The following TRAPPC11 variants were observed in gnomAD, a reference collection of about 807,000 sequenced individuals.
TRAPPC11 encodes foie gras homolog.
In TRAPPC11, 104 loss-of-function variants were observed where a neutral mutation model predicts 151.2. The ratio of observed to expected loss-of-function variants is 0.69; its 90% CI spans 0.59 to 0.81. TRAPPC11 has a LOEUF of 0.81. TRAPPC11 is among the 30% of genes least tolerant of loss of function. The probability of loss-of-function intolerance (pLI) is 0.00; values close to 1 mark genes in which losing one functional copy is unlikely to be tolerated. For missense variants in TRAPPC11, 1,230 were observed against 1,349.6 expected (o/e 0.91, Z 1.39); for synonymous variants, 456 against 472.3 (o/e 0.97, Z 0.45).
chr4:183,693,663 G>A lies in TRAPPC11; in HGVS notation c.2312G>A (p.Cys771Tyr), dbSNP rs1441521643. The change falls in exon 21 of 30, where the codon TGT (cysteine) becomes TAT (tyrosine). Residue 771 changes from cysteine (C) to tyrosine (Y), a missense_variant. Coordinates refer to ENST00000334690, the MANE Select transcript of TRAPPC11 (RefSeq NM_021942.6). ...CCTGCACTGACTAATGAAATGTATT[G>A]TTTGGTTGTGACTGTTCAGTCCCAT... The part of the protein sequence containing the change: ...EPPALTNEMY[C>Y]LVVTVQSHEK... The A allele has an allele frequency of 1.5e-5, 25 of 1,613,972 alleles. No individual in the cohort carries two copies. The highest frequency in any genetic ancestry group is 1.7e-5 in the Non-Finnish European group (20 of 1,180,040).
At chr4:183,703,565 G>A (rs1243959691) in intron 26 of TRAPPC11, among the ~76,000 whole-genome samples, 1 of 152,236 alleles carries the variant, frequency 6.6e-6, no homozygotes, top group East Asian at 1.9e-4. Context: ...GTACACAAAG[G>A]GTGTGTGTAT....
rs1027270333 is a variant in TRAPPC11, at chr4:183,691,317, A to G, written c.1895A>G (p.Glu632Gly). ...SKLCVSFNNQ[E>G]YNQFCVIEEA... ...ATGACCCCTGTTCACCTTTTTCAGG[A>G]ATACAACCAGTTCTGTGTAATAGAA... The change falls in exon 19 of 30, where the codon GAA becomes GGA. Residue 632 changes from glutamate (E) to glycine (G), a missense_variant and splice_region_variant. Glu to Gly is a moderately conservative substitution (Grantham distance 98, BLOSUM62 -2). Transcript: ENST00000334690. 23 of 1,492,786 alleles carry G rather than the reference A, an allele frequency of 1.5e-5. No homozygotes were observed. The highest frequency in any genetic ancestry group is 2.0e-5 in the Non-Finnish European group (22 of 1,109,220). 92.5% of individuals were successfully genotyped at this position (1,492,786 alleles called of 1,614,324 possible).
At chr4:183,686,941 G>A (rs1360181492) in intron 18 of TRAPPC11, among the ~76,000 whole-genome samples, 193 bp downstream of exon 18, 1 of 152,124 alleles carries the variant, frequency 6.6e-6, no homozygotes. Flanking sequence ...AGCACTTTGG[G>A]AGGCCGAGGC....
At chr4:183,671,609 T>C (rs1735161496) in intron 5 of TRAPPC11, among the ~76,000 whole-genome samples, 1 of 152,234 alleles carries the variant, frequency 6.6e-6, no homozygotes, top group African/African-American at 2.4e-5. Context: ...TCTTAGGTAC[T>C]TTACAAAATT....
intron 20 of TRAPPC11, 89 bp downstream of exon 20, chr4:183,693,236 G>A (rs1736349030): frequency 7.9e-7 from 1 of 1,272,648 alleles, no homozygotes; most frequent in Non-Finnish European, 1.1e-6. Flanking sequence ...CTCTTGTCCA[G>A]GCTGGAGTGC....
chr4:183,712,667 G>C lies in TRAPPC11; in HGVS notation c.*23G>C, dbSNP rs1737392196. The stretch of plus-strand genomic sequence containing the variant: ...TGATGTTCAAGACCGGCCCTTGGCT[G>C]TTGTTACAGAGATGTTGGGCAGAGC... On this transcript the variant is annotated 3_prime_UTR_variant, in exon 30 of 30. Transcript: ENST00000334690. The C allele has an allele frequency of 6.2e-7, 1 of 1,613,216 alleles. No homozygotes were observed. Among genetic ancestry groups the C allele is most frequent in the Non-Finnish European group, 8.5e-7 (1 of 1,179,234 alleles).
chr4:183,694,809 A>G (rs1288401519), intron 23 of TRAPPC11, 86 bp downstream of exon 23: 1 of 1,145,324 alleles, frequency 8.7e-7, no homozygotes. Context: ...AAATAAGCAT[A>G]AAATAAGCAG....
rs190042840 is a variant in TRAPPC11, at chr4:183,675,909, A to G, written c.734+672A>G. Among the ~76,000 whole-genome samples, 332 of 152,354 alleles carry G rather than the reference A, an allele frequency of 2.2e-3. 3 individuals are homozygous for G. The highest frequency in any genetic ancestry group is 0.021 in the Admixed American group (314 of 15,302). On this transcript the variant is annotated intron_variant, in intron 7 of 29. Transcript: ENST00000334690. ...CTTTGCTTTTACGAAGCAGAATTCA[A>G]TGAAACTTGACCTCTTTGTAGCTTT...
At chr4:183,699,642 C>T (rs1251283555) in intron 25 of TRAPPC11, among the ~76,000 whole-genome samples, 2 of 152,148 alleles carry the variant, frequency 1.3e-5, no homozygotes, top group African/African-American at 4.8e-5. Flanking sequence ...TAAAGTTCTA[C>T]AGGTTAGAAG....
chr4:183,682,179 A>T (rs796138925), intron 10 of TRAPPC11, among the ~76,000 whole-genome samples: 18 of 152,354 alleles, frequency 1.2e-4, no homozygotes, highest in African/African-American at 3.6e-4. Context: ...TAGTAGGTTT[A>T]TAAGTAATTT....
rs1554011266 is a variant in TRAPPC11, at chr4:183,701,787, A to G, written c.2942A>G (p.His981Arg). 6.2e-7 allele frequency: 1 copy of G among 1,612,820 alleles called. No individual in the cohort carries two copies. The highest frequency in any genetic ancestry group is 1.3e-5 in the African/African-American group (1 of 75,036). Residue 981 changes from histidine (H) to arginine (R), a missense_variant, in exon 26 of 30, where the codon CAT (histidine) becomes CGT (arginine). By Grantham distance (29) the His-to-Arg change is conservative (BLOSUM62 0). Transcript: ENST00000334690. The stretch of plus-strand genomic sequence containing the variant: ...ATTGAAGGTGGAGTAGCAACCGGGC[A>G]TTATATTATCTCTTGGAAAAGGTAA... ...GNIEGGVATG[H>R]YIISWKRTSA...
chr4:183,665,583 C>G (rs1734838651), intron 2 of TRAPPC11, among the ~76,000 whole-genome samples: 1 of 152,204 alleles, frequency 6.6e-6, no homozygotes, highest in Admixed American at 6.5e-5. Context: ...TGGAGGTAGA[C>G]ATTGGATCAC....
chr4:183,686,675 T>C lies in TRAPPC11; in HGVS notation c.1820T>C (p.Phe607Ser). ...PSFHVDVPVQ[F>S]DIYLKADCPH... ...TTTCATGTTGATGTTCCTGTTCAGTTTGATATTTATCTGAAGGCTGATTGT... is the reference window on the plus strand; with the variant it reads ...TTTCATGTTGATGTTCCTGTTCAGTCTGATATTTATCTGAAGGCTGATTGT... The change falls in exon 18 of 30, where the codon TTT becomes TCT. Residue 607 changes from phenylalanine (F) to serine (S), a missense_variant. Phe to Ser is a radical substitution (Grantham distance 155). Transcript: ENST00000334690. The C allele has an allele frequency of 6.2e-7, 1 of 1,614,168 alleles. No homozygotes were observed. The highest frequency in any genetic ancestry group is 8.5e-7 in the Non-Finnish European group (1 of 1,180,012).
chr4:183,678,032 G>A (rs1318863627), intron 8 of TRAPPC11, among the ~76,000 whole-genome samples: 1 of 151,198 alleles, frequency 6.6e-6, no homozygotes, highest in East Asian at 1.9e-4. Flanking sequence ...TCTGCCTCCT[G>A]GGTTCAAGCA....
At chr4:183,671,975 A>G (rs1291586437) in intron 5 of TRAPPC11, among the ~76,000 whole-genome samples, 1 of 152,196 alleles carries the variant, frequency 6.6e-6, no homozygotes, top group African/African-American at 2.4e-5. Flanking sequence ...AATACAGATA[A>G]TTGTGTGCGT....
At chr4:183,676,256 T>A (rs902568660) in intron 7 of TRAPPC11, among the ~76,000 whole-genome samples, 2 of 152,060 alleles carry the variant, frequency 1.3e-5, no homozygotes, top group African/African-American at 4.8e-5. Context: ...TTCAAGTGAT[T>A]CTCCTGTCTC....
intron 20 of TRAPPC11, 69 bp downstream of exon 20, chr4:183,693,216 C>T (rs1736347666): frequency 4.3e-6 from 6 of 1,408,070 alleles, no homozygotes; most frequent in Non-Finnish European, 5.7e-6. Flanking sequence ...TTTTTGGAGA[C>T]AGAGTCTCTC....
intron 18 of TRAPPC11, among the ~76,000 whole-genome samples, chr4:183,691,074 G>A (rs1001355355): frequency 3.9e-5 from 6 of 152,186 alleles, no homozygotes; most frequent in African/African-American, 1.2e-4. Flanking sequence ...AGAACAAACT[G>A]TTTCTCTGGG....
At chr4:183,689,241 T>C (rs1736132690) in intron 18 of TRAPPC11, among the ~76,000 whole-genome samples, 1 of 152,124 alleles carries the variant, frequency 6.6e-6, no homozygotes, top group Admixed American at 6.6e-5. Flanking sequence ...CATTTAAAAA[T>C]AGATAAATCT....
Sources: allele counts gnomAD v4.1 joint callset (sites outside exome capture counted in the v4.1 genomes callset), GRCh38; gene constraint gnomAD v4.1.1; transcripts MANE v1.5; gene names NCBI Gene and HGNC (gene_info 2026-07-23, HGNC 2026-07-21).